Variants in KCNT2 observed in about 807,000 individuals in gnomAD.
The protein encoded by KCNT2 is potassium sodium-activated channel subfamily T member 2, also known as potassium channel subfamily T member 2.
Under a neutral mutation model 153.8 loss-of-function variants are expected in KCNT2, and 67 were observed. The ratio of observed to expected loss-of-function variants is 0.44; its 90% CI spans 0.36 to 0.53. KCNT2 has a LOEUF of 0.53. Among genes scored for constraint, KCNT2 ranks in the 20% least tolerant of loss-of-function variants. KCNT2 has a pLI of 0.00. For missense variants in KCNT2, 975 were observed against 1,354.8 expected (o/e 0.72, Z 4.40); for synonymous variants, 500 against 458.8 (o/e 1.09, Z -1.15).
chr1:196,482,364 C>G lies in KCNT2; in HGVS notation c.291G>C (p.Trp97Cys), dbSNP rs1358736371. ...SQGNEWSHIF[W>C]VNRSLPLWGL... ...CCCACAAAGGTAGACTTCTGTTCAC[C>G]CAAAAGATATGAGACCTATAAAAAG... The change falls in exon 4 of 28, where the codon TGG (tryptophan) becomes TGC (cysteine). Residue 97 changes from tryptophan (W) to cysteine (C), a missense_variant. Trp to Cys is a radical substitution (Grantham distance 215, BLOSUM62 -2). This residue lies in a region of KCNT2 where 140 missense variants were observed against 216.0 expected (regional missense o/e 0.65). Transcript: ENST00000294725. 4 of 1,566,562 alleles carry G rather than the reference C, an allele frequency of 2.6e-6. No homozygotes were observed. The highest frequency in any genetic ancestry group is 3.5e-6 in the Non-Finnish European group (4 of 1,156,176).
At chr1:196,396,135 T>TG (rs1454469816) in intron 13 of KCNT2, among the ~76,000 whole-genome samples, 1 of 151,548 alleles carries the variant, frequency 6.6e-6, no homozygotes. Flanking sequence ...ACAGGTGAGG[T>TG]GCTGGTATGG....
At chr1:196,429,528 A>G (rs771099548) in intron 9 of KCNT2, 49 bp downstream of exon 9, 2 of 1,269,168 alleles carry the variant, frequency 1.6e-6, no homozygotes, top group Admixed American at 5.1e-5. Context: ...GGAGGATTCA[A>G]TTTCATGTCT....
intron 27 of KCNT2, among the ~76,000 whole-genome samples, chr1:196,229,989 A>G (rs1280772275): frequency 6.6e-6 from 1 of 152,092 alleles, no homozygotes; most frequent in Non-Finnish European, 1.5e-5. Flanking sequence ...AGATAGTGCT[A>G]ATGCAGAAGC....
chr1:196,243,471 C>T (rs780726550), intron 26 of KCNT2, among the ~76,000 whole-genome samples: 6 of 152,106 alleles, frequency 3.9e-5, no homozygotes, highest in Non-Finnish European at 7.4e-5. Context: ...CTTGAATTTC[C>T]AACACCAACC....
At chr1:196,501,871 C>T (rs998932308) in intron 1 of KCNT2, among the ~76,000 whole-genome samples, 3 of 152,200 alleles carry the variant, frequency 2.0e-5, no homozygotes, top group African/African-American at 7.2e-5. Flanking sequence ...GTAATCCCAG[C>T]ACTTTGGGAG....
rs1329999350 is a variant in KCNT2 at position 196,232,858 on chromosome 1, G to A, written c.3296+3128C>T. Among the ~76,000 whole-genome samples the A allele has an allele frequency of 2.6e-5, 4 of 151,292 alleles. 1 individual carries two copies. The highest frequency in any genetic ancestry group is 1.3e-4 in the Admixed American group (2 of 15,116). On this transcript the variant is annotated intron_variant, in intron 27 of 27. Coordinates refer to ENST00000294725, the MANE Select transcript of KCNT2 (RefSeq NM_198503.5). Reference sequence around the variant, plus strand: ...TCAAAAATAATTATGGGAAATGATTGTATTAAGCTTAAGAAACATAATTTA... The same window carrying A: ...TCAAAAATAATTATGGGAAATGATTATATTAAGCTTAAGAAACATAATTTA...
rs149960655 is a variant in KCNT2, at chr1:196,261,144, A to C, written c.2911-2650T>G. ...TCCTGTGTTTTAAACATGCCATCATAATCTAGTGGAAATAGTATAGTGCTG... is the reference window on the plus strand; with the variant it reads ...TCCTGTGTTTTAAACATGCCATCATCATCTAGTGGAAATAGTATAGTGCTG... On this transcript the variant is annotated intron_variant, in intron 25 of 27. Coordinates refer to ENST00000294725, the MANE Select transcript of KCNT2 (RefSeq NM_198503.5). 8.6e-5 allele frequency among the ~76,000 whole-genome samples: 13 copies of C among 151,906 alleles called. No homozygotes were observed. The East Asian group carries it at 2.5e-3, about 29-fold the overall frequency.
intron 13 of KCNT2, among the ~76,000 whole-genome samples, chr1:196,389,252 T>C (rs1272283433): frequency 6.6e-6 from 1 of 151,788 alleles, no homozygotes; most frequent in Non-Finnish European, 1.5e-5. Flanking sequence ...TGTTGGAAGA[T>C]TTTTGCATCT....
intron 5 of KCNT2, among the ~76,000 whole-genome samples, chr1:196,471,138 A>C (rs1220569174): frequency 6.6e-6 from 1 of 151,334 alleles, no homozygotes; most frequent in African/African-American, 2.4e-5. Context: ...CGATCTCCTA[A>C]CCTCGTGATC....
At chr1:196,297,838 TTTTG>T (rs1476816289) in intron 22 of KCNT2, among the ~76,000 whole-genome samples, 2 of 152,122 alleles carry the variant, frequency 1.3e-5, no homozygotes, top group African/African-American at 4.8e-5. Flanking sequence ...GACAATGTGC[TTTTG>T]TTTGTTTTCA....
chr1:196,306,160 C>T (rs1228939815), intron 21 of KCNT2, among the ~76,000 whole-genome samples: 2 of 152,006 alleles, frequency 1.3e-5, no homozygotes, highest in African/African-American at 4.8e-5. Flanking sequence ...TTTTGGTATT[C>T]TCTGTGGCAG....
At position 196,280,945 on chromosome 1, in the gene KCNT2, C is replaced by T; in HGVS notation, c.2825G>A (p.Arg942Lys). ...ADDLWIRTYARLYQKLCSSTG... is the reference protein window; with the variant it reads ...ADDLWIRTYAKLYQKLCSSTG... The stretch of plus-strand genomic sequence containing the variant: ...AGAAGAACACAACTTCTGATAAAGT[C>T]TGGCATAAGTTCTGATCCATAAGTC... The change falls in exon 25 of 28, where the codon AGA (arginine) becomes AAA (lysine). Residue 942 changes from arginine to lysine, a missense_variant. Physicochemically the swap from Arg to Lys is conservative, Grantham distance 26. Coordinates refer to ENST00000294725, the MANE Select transcript of KCNT2 (RefSeq NM_198503.5). 1 of 1,611,292 alleles carries T rather than the reference C, an allele frequency of 6.2e-7. No individual in the cohort carries two copies. The highest frequency in any genetic ancestry group is 8.5e-7 in the Non-Finnish European group (1 of 1,177,498).
intron 12 of KCNT2, among the ~76,000 whole-genome samples, chr1:196,399,218 G>A (rs1281178365): frequency 2.0e-5 from 3 of 151,002 alleles, no homozygotes; most frequent in African/African-American, 7.3e-5. Context: ...GTAAGAAAAG[G>A]AATCAAAACC....
At position 196,593,688 on chromosome 1, in the gene KCNT2, CA is replaced by C. The variant is rs1663695762; in HGVS notation, c.95+14526del. Among the ~76,000 whole-genome samples, 4 of 151,716 alleles carry C rather than the reference CA, an allele frequency of 2.6e-5. No homozygotes were observed. In the South Asian group the frequency reaches 8.3e-4, roughly 32 times the overall value. ...AATATATACACCTACCATGTACCCA[CA>C]AAAATTAAAAATTTAAAAAACTGGT... On this transcript the variant is annotated intron_variant, in intron 1 of 27. Transcript: ENST00000294725.
At chr1:196,283,772 A>C (rs1357969628) in intron 23 of KCNT2, among the ~76,000 whole-genome samples, 1 of 152,172 alleles carries the variant, frequency 6.6e-6, no homozygotes. Context: ...CAATTTTTTA[A>C]AATGAAATAG....
chr1:196,435,465 GT>G (rs1674574027), intron 8 of KCNT2, among the ~76,000 whole-genome samples: 1 of 151,186 alleles, frequency 6.6e-6, no homozygotes, highest in Non-Finnish European at 1.5e-5. Context: ...TAATGTACAA[GT>G]AAATAATAAA....
intron 8 of KCNT2, among the ~76,000 whole-genome samples, chr1:196,462,233 T>C (rs985049703): frequency 2.0e-5 from 3 of 151,770 alleles, no homozygotes; most frequent in African/African-American, 7.2e-5. Context: ...TTTTTATCTG[T>C]CATGTTACAC....
chr1:196,475,509 C>T (rs1260133196), intron 5 of KCNT2, among the ~76,000 whole-genome samples: 1 of 151,758 alleles, frequency 6.6e-6, no homozygotes, highest in Non-Finnish European at 1.5e-5. Context: ...AGTCCCAAGC[C>T]ACTTAGGAGG....
chr1:196,378,664 T>C (rs1307828297), intron 13 of KCNT2, among the ~76,000 whole-genome samples: 2 of 149,572 alleles, frequency 1.3e-5, no homozygotes, highest in Admixed American at 1.3e-4. Context: ...TTATGTATTA[T>C]ATATATTTAT....
Sources: gnomAD v4.1 joint callset for allele counts (sites outside exome capture counted in the v4.1 genomes callset) on GRCh38, gnomAD v4.1.1 for gene constraint, gnomAD v4.1.1 regional missense constraint, MANE v1.5 for transcripts, NCBI Gene and HGNC (gene_info 2026-07-23, HGNC 2026-07-21) for gene names.